Variants in SYTL5 observed in about 807,000 individuals in gnomAD.
SYTL5 encodes the protein synaptotagmin like 5.
A neutral mutation model predicts 55.9 loss-of-function variants in SYTL5; 34 were observed. That is an observed-to-expected ratio of 0.61 (90% CI 0.46 to 0.81). SYTL5 has a LOEUF of 0.81. Ranked by LOEUF, SYTL5 falls within the 30% of genes least tolerant of loss-of-function variation. SYTL5 has a pLI of 0.00. For missense variants in SYTL5, 637 were observed against 546.7 expected, an observed-to-expected ratio of 1.17 and a Z score of -1.65; for synonymous variants, 221 against 188.7, an observed-to-expected ratio of 1.17 and a Z score of -1.40.
intron 11 of SYTL5, among the ~76,000 whole-genome samples, chrX:38,106,993 C>G (rs1937235129): frequency 8.9e-6 from 1 of 112,546 alleles, no homozygotes; most frequent in South Asian, 3.7e-4. Flanking sequence ...TCAGGATTGA[C>G]ATATTTGCAA....
chrX:38,023,241 C>G (rs143725411), intron 1 of SYTL5, among the ~76,000 whole-genome samples: 4 of 112,062 alleles, frequency 3.6e-5, no homozygotes, highest in Non-Finnish European at 7.5e-5. Context: ...TCCATCTTCC[C>G]TATTGTTTTC....
chrX:37,927,551 G>A, the SYTL5 span, among the ~76,000 whole-genome samples: 4 of 110,110 alleles, frequency 3.6e-5, no homozygotes, highest in African/African-American at 3.3e-5. Context: ...CGAGGCGGGC[G>A]GATCACAAGG....
At chrX:38,013,979 C>A (rs1337724985) in intron 1 of SYTL5, among the ~76,000 whole-genome samples, 2 of 111,458 alleles carry the variant, frequency 1.8e-5, no homozygotes, top group Non-Finnish European at 3.8e-5. Flanking sequence ...CCTCCCCAAT[C>A]TCATTTTCCT....
chrX:38,003,477 T>C (rs1249698813), upstream of SYTL5, among the ~76,000 whole-genome samples: 1 of 111,346 alleles, frequency 9.0e-6, no homozygotes, highest in Non-Finnish European at 1.9e-5. Context: ...CCATTCACAA[T>C]TGCTTCAAAG....
chrX:38,089,500 G>T lies in SYTL5; in HGVS notation c.744G>T (p.Pro248=). Residue 248 remains proline, a synonymous_variant, in exon 7 of 17, where the codon CCG becomes CCT. Transcript: ENST00000297875. ...LNDQEPGPRT[P]KSSRSNGVTP... ...ACCAGGAACCTGGTCCTAGGACCCC[G>T]AAGAGCAGTCGGAGCAATGGTGTGA... 1 of 1,210,647 alleles carries T rather than the reference G, an allele frequency of 8.3e-7. No individual in the cohort carries two copies. Among genetic ancestry groups the T allele is most frequent in the Non-Finnish European group, 1.1e-6 (1 of 895,054 alleles).
At chrX:37,983,936 A>T in the SYTL5 span, among the ~76,000 whole-genome samples, 1 of 111,958 alleles carries the variant, frequency 8.9e-6, no homozygotes, top group Non-Finnish European at 1.9e-5. Context: ...ATAATTAGGG[A>T]TGAATGAAAA....
At chrX:37,984,635 A>C in the SYTL5 span, among the ~76,000 whole-genome samples, 2 of 111,692 alleles carry the variant, frequency 1.8e-5, no homozygotes, top group Admixed American at 9.5e-5. Flanking sequence ...AAATCATCCT[A>C]TGATGCCAGC....
At chrX:38,003,436 A>G (rs1167057137), upstream of SYTL5, among the ~76,000 whole-genome samples, 1 of 111,631 alleles carries the variant, frequency 9.0e-6, no homozygotes, top group Non-Finnish European at 1.9e-5. Flanking sequence ...CCAATAACAG[A>G]CAAACAGAGA....
At chrX:37,913,124 C>T in the SYTL5 span, among the ~76,000 whole-genome samples, 4 of 111,603 alleles carry the variant, frequency 3.6e-5, no homozygotes, top group Admixed American at 9.5e-5. Flanking sequence ...CCATCTTGGA[C>T]CATGGAGTGA....
the SYTL5 span, among the ~76,000 whole-genome samples, chrX:37,942,362 A>T: frequency 8.9e-6 from 1 of 112,026 alleles, no homozygotes; most frequent in South Asian, 3.7e-4. Context: ...TGAAAGTTGG[A>T]GCAATTTTCA....
the SYTL5 span, among the ~76,000 whole-genome samples, chrX:38,000,866 A>ACCGAACTCC: frequency 3.6e-5 from 4 of 111,369 alleles, no homozygotes; most frequent in African/African-American, 1.3e-4. Context: ...GACCGCCCCA[A>ACCGAACTCC]CCGAACTCCG....
chrX:37,900,463 A>G, the SYTL5 span, among the ~76,000 whole-genome samples: 1 of 112,135 alleles, frequency 8.9e-6, no homozygotes, highest in Non-Finnish European at 1.9e-5. Flanking sequence ...AAAATAAAGT[A>G]GTAAAAGAAG....
chrX:37,932,633 T>C, the SYTL5 span, among the ~76,000 whole-genome samples: 1 of 111,915 alleles, frequency 8.9e-6, no homozygotes, highest in African/African-American at 3.2e-5. Flanking sequence ...TGGCTTTAAT[T>C]ATCTACCATT....
chrX:38,030,111 C>A (rs1278500715), intron 1 of SYTL5, among the ~76,000 whole-genome samples: 1 of 110,724 alleles, frequency 9.0e-6, no homozygotes, highest in African/African-American at 3.3e-5. Flanking sequence ...TTTTTTTTAA[C>A]CTTCTAGGTT....
intron 2 of SYTL5, among the ~76,000 whole-genome samples, chrX:38,046,525 C>T (rs187441663): frequency 9.0e-6 from 1 of 111,635 alleles, no homozygotes; most frequent in Admixed American, 9.5e-5. Context: ...TCAATTATTT[C>T]CCACCAGGTC....
At position 38,106,748 on chromosome X, in the gene SYTL5, T is replaced by A. The variant is rs757465018; in HGVS notation, c.1311T>A (p.Asp437Glu). The A allele has an allele frequency of 1.7e-6, 2 of 1,202,714 alleles. No individual in the cohort carries two copies. Among genetic ancestry groups the A allele is most frequent in the Non-Finnish European group, 2.2e-6 (2 of 891,991 alleles). Residue 437 changes from aspartate (D) to glutamate (E), a missense_variant, in exon 11 of 17, where the codon GAT (aspartate) becomes GAA (glutamate). Coordinates refer to ENST00000297875, the MANE Select transcript of SYTL5 (RefSeq NM_138780.3). Reference protein sequence around the residue: ...VKNCRNLAIGDEKKQRTDAYV... With the variant: ...VKNCRNLAIGEEKKQRTDAYV... ...ATTGCAGAAATCTGGCCATAGGAGA[T>A]GAAAAGAAACAGAGGACAGATGCGT...
In SYTL5 at chrX:38,057,330, C is replaced by T. The variant is rs752051740; in HGVS notation, c.329+2908C>T. Among the ~76,000 whole-genome samples the T allele has an allele frequency of 2.0e-4, 22 of 111,478 alleles. 1 individual carries two copies. The South Asian group carries it at 8.2e-3, about 42-fold the overall frequency. On this transcript the variant is annotated intron_variant, in intron 3 of 16. Transcript: ENST00000297875. ...ATGTTTCTTCATTTTTTATTCGGTT[C>T]CATCGGTCTTTGAATCTGTTTTTAT... is the stretch of plus-strand genomic sequence containing the variant.
At chrX:38,009,132 C>T (rs938867310) in intron 1 of SYTL5, among the ~76,000 whole-genome samples, 2 of 112,066 alleles carry the variant, frequency 1.8e-5, no homozygotes, top group African/African-American at 6.5e-5. Context: ...TTTTCTACCA[C>T]TTCCCTTCTT....
At position 38,089,576 on chromosome X, in the gene SYTL5, G is replaced by C. The variant is rs1396372694; in HGVS notation, c.820G>C (p.Val274Leu). Residue 274 changes from valine to leucine, a missense_variant, in exon 7 of 17, where the codon GTC becomes CTC. Physicochemically the swap from Val to Leu is conservative, Grantham distance 32 (BLOSUM62 1). Coordinates refer to ENST00000297875, the MANE Select transcript of SYTL5 (RefSeq NM_138780.3). The part of the protein sequence containing the change: ...PAPSTRTVTS[V>L]ISREYGFENS... ...CCCAAGCACACGAACTGTGACCTCA[G>C]TCATCAGTAGAGTAAGTACACAAAC... 1 of 1,207,440 alleles carries C rather than the reference G, an allele frequency of 8.3e-7. No homozygotes were observed. The highest frequency in any genetic ancestry group is 2.2e-5 in the Admixed American group (1 of 45,555).
Sources: allele counts gnomAD v4.1 joint callset (sites outside exome capture counted in the v4.1 genomes callset), GRCh38; gene constraint gnomAD v4.1.1; transcripts MANE v1.5; gene names NCBI Gene and HGNC (gene_info 2026-07-23, HGNC 2026-07-21).